The following HSF2 variants were observed in gnomAD, a reference collection of about 807,000 sequenced individuals.
HSF2 encodes heat shock transcription factor 2.
HSF2 carries 21 observed loss-of-function variants against 65.0 expected under a neutral mutation model. The observed-to-expected ratio is 0.32, with a 90% confidence interval of 0.23 to 0.47. The LOEUF is 0.47. Ranked by LOEUF, HSF2 falls within the 20% of genes least tolerant of loss-of-function variation. The pLI, the probability that HSF2 is intolerant of heterozygous loss-of-function variation, is 1.00. For synonymous variants in HSF2, 225 were observed against 219.1 expected, an observed-to-expected ratio of 1.03 and a Z score of -0.24; for missense variants, 499 against 628.1, an observed-to-expected ratio of 0.79 and a Z score of 2.20.
chr6:122,409,379 G>C (rs1005631508), intron 1 of HSF2, among the ~76,000 whole-genome samples: 5 of 152,140 alleles, frequency 3.3e-5, no homozygotes, highest in Middle Eastern at 6.8e-3. Flanking sequence ...TTTCAGTCGA[G>C]TGAGGGAACC....
intron 9 of HSF2, 36 bp downstream of exon 9, chr6:122,422,993 G>C: frequency 6.2e-7 from 1 of 1,608,418 alleles, no homozygotes; most frequent in Non-Finnish European, 8.5e-7. Flanking sequence ...AAAATTATTT[G>C]CTTTCTTTGT....
At chr6:122,417,929 TTCATAGAC>T (rs1369969441) in intron 5 of HSF2, among the ~76,000 whole-genome samples, 1 of 152,196 alleles carries the variant, frequency 6.6e-6, no homozygotes, top group African/African-American at 2.4e-5. Flanking sequence ...TACCCTCCTT[TTCATAGAC>T]TCTAATACTA....
intron 1 of HSF2, among the ~76,000 whole-genome samples, chr6:122,407,989 G>A (rs1370659901): frequency 1.3e-5 from 2 of 150,700 alleles, no homozygotes; most frequent in Admixed American, 6.6e-5. Context: ...GAGAGAGAGT[G>A]TGTTCTGGTC....
chr6:122,422,547 T>C (rs551439184), intron 8 of HSF2, among the ~76,000 whole-genome samples, 171 bp from the exon 9 acceptor site: 2 of 152,306 alleles, frequency 1.3e-5, no homozygotes, highest in South Asian at 4.1e-4. Flanking sequence ...ATTCAATCTT[T>C]ATGGTCTTCT....
chr6:122,404,647 A>G (rs951931054), intron 1 of HSF2, among the ~76,000 whole-genome samples: 1 of 152,170 alleles, frequency 6.6e-6, no homozygotes, highest in Non-Finnish European at 1.5e-5. Context: ...TCTTGCCAAC[A>G]TTTGTGGGTA....
chr6:122,402,110 ATTC>A (rs770355173), intron 1 of HSF2, among the ~76,000 whole-genome samples: 12 of 152,242 alleles, frequency 7.9e-5, no homozygotes, highest in African/African-American at 1.9e-4. Flanking sequence ...GCCCAAGACA[ATTC>A]TTCTTCCAGT....
At position 122,413,765 on chromosome 6, in the gene HSF2, G is replaced by T. The variant is rs1425120741; in HGVS notation, c.455+116G>T. 7 of 877,234 alleles carry T rather than the reference G, an allele frequency of 8.0e-6. No individual in the cohort carries two copies. In the Admixed American group the frequency reaches 1.4e-4, roughly 17 times the overall value. The allele number at this position is 877,234 out of a possible 1,614,324, so 54.3% of individuals were successfully genotyped here. On this transcript the variant is annotated intron_variant, in intron 4 of 12. Coordinates refer to ENST00000368455, the MANE Select transcript of HSF2 (RefSeq NM_004506.4). The stretch of plus-strand genomic sequence containing the variant: ...TAAGTACTCAGATCACTTTGTTGAA[G>T]CCAAGATCAAAGGTCATTTTTCTGC...
intron 1 of HSF2, among the ~76,000 whole-genome samples, chr6:122,405,570 C>T (rs781764532): frequency 2.6e-5 from 4 of 152,066 alleles, no homozygotes; most frequent in Non-Finnish European, 4.4e-5. Flanking sequence ...AGGAATATGG[C>T]CATGACTCAG....
intron 3 of HSF2, 74 bp downstream of exon 3, chr6:122,412,838 G>T: frequency 7.1e-7 from 1 of 1,401,186 alleles, no homozygotes; most frequent in Non-Finnish European, 9.9e-7. Flanking sequence ...TATTTCAGCT[G>T]TTGAAAGTAC....
chr6:122,431,871 A>C (rs762806278), intron 12 of HSF2, 54 bp from the exon 13 acceptor site: 16 of 1,496,058 alleles, frequency 1.1e-5, no homozygotes, highest in Non-Finnish European at 1.4e-5. Context: ...TTTTCCCCTC[A>C]GCTTGAACTC....
Position 122,422,886 on chromosome 6 carries a change from C to T in HSF2, c.999C>T (p.Ser333=). Residue 333 remains serine (S), a synonymous_variant, in exon 9 of 13, where the codon TCC becomes TCT. Transcript: ENST00000368455. The part of the protein sequence containing the change: ...MSSAVQLNGS[S]SLTSEDPVTM... ...GTGCTGTCCAGCTAAATGGCTCATC[C>T]AGTCTGACCTCAGAAGATCCAGTGA... 1.2e-6 allele frequency: 2 copies of T among 1,613,546 alleles called. No homozygotes were observed. Among genetic ancestry groups the T allele is most frequent in the Admixed American group, 1.7e-5 (1 of 59,888 alleles).
chr6:122,408,111 GCAAGGGTTTCAA>G (rs1773909171), intron 1 of HSF2, among the ~76,000 whole-genome samples: 1 of 152,060 alleles, frequency 6.6e-6, no homozygotes, highest in Non-Finnish European at 1.5e-5. Flanking sequence ...CATATCAGGG[GCAAGGGTTTCAA>G]CATAGAATTT....
intron 10 of HSF2, among the ~76,000 whole-genome samples, chr6:122,425,965 T>C (rs1234035974): frequency 6.6e-6 from 1 of 152,112 alleles, no homozygotes; most frequent in African/African-American, 2.4e-5. Context: ...TTTACAGCTT[T>C]CTGATTTTCT....
intron 11 of HSF2, among the ~76,000 whole-genome samples, 158 bp downstream of exon 11, chr6:122,428,114 G>C (rs1479931904): frequency 6.6e-6 from 1 of 151,910 alleles, no homozygotes; most frequent in East Asian, 1.9e-4. Context: ...TGAAAAATTA[G>C]CTTTTGGTTA....
At chr6:122,431,093 A>G (rs1451310993) in intron 11 of HSF2, among the ~76,000 whole-genome samples, 2 of 152,156 alleles carry the variant, frequency 1.3e-5, no homozygotes, top group Non-Finnish European at 2.9e-5. Flanking sequence ...TTATCTCTCA[A>G]TTAACATTTT....
intron 4 of HSF2, among the ~76,000 whole-genome samples, chr6:122,415,480 G>A (rs956866824): frequency 1.3e-5 from 2 of 152,002 alleles, no homozygotes; most frequent in Admixed American, 6.6e-5. Flanking sequence ...GTCTAGCATA[G>A]TGCTTAGAGT....
intron 1 of HSF2, among the ~76,000 whole-genome samples, chr6:122,404,754 G>C (rs1237496572): frequency 6.6e-6 from 1 of 152,130 alleles, no homozygotes; most frequent in Non-Finnish European, 1.5e-5. Context: ...TGTATTGCTT[G>C]AACCTCACAG....
chr6:122,420,244 A>G, intron 7 of HSF2, 22 bp downstream of exon 7: 2 of 1,548,308 alleles, frequency 1.3e-6, no homozygotes, highest in Non-Finnish European at 1.8e-6. Context: ...GTTAGGGTCT[A>G]TTTTATATTT....
upstream of HSF2, chr6:122,399,558 C>G (rs1026727261): frequency 1.7e-6 from 1 of 573,090 alleles, no homozygotes; most frequent in Non-Finnish European, 3.1e-6. Context: ...GAGACTTGTC[C>G]GTCACGTGCG....
Sources: allele counts gnomAD v4.1 joint callset (sites outside exome capture counted in the v4.1 genomes callset), GRCh38; gene constraint gnomAD v4.1.1; transcripts MANE v1.5; gene names NCBI Gene and HGNC (gene_info 2026-07-23, HGNC 2026-07-21).